UVRAG: variants seen among roughly 807,000 people sequenced by gnomAD.
The protein encoded by UVRAG is UV radiation resistance associated.
A neutral mutation model predicts 78.0 loss-of-function variants in UVRAG; 19 were observed. That is an observed-to-expected ratio of 0.24 (90% CI 0.17 to 0.36). The LOEUF is 0.36. UVRAG is among the 10% of genes least tolerant of loss of function. UVRAG has a pLI of 1.00. For synonymous variants in UVRAG, 323 were observed against 324.6 expected, an observed-to-expected ratio of 1.00 and a Z score of 0.05; for missense variants, 740 against 853.8, an observed-to-expected ratio of 0.87 and a Z score of 1.66.
intron 12 of UVRAG, among the ~76,000 whole-genome samples, chr11:76,039,155 A>G (rs1435441363): frequency 2.6e-5 from 4 of 152,210 alleles, no homozygotes; most frequent in Admixed American, 2.6e-4. Context: ...CCTTACTGTC[A>G]TTGTTAAATG....
At chr11:75,825,245 C>T (rs953575325) in intron 1 of UVRAG, among the ~76,000 whole-genome samples, 11 of 151,864 alleles carry the variant, frequency 7.2e-5, no homozygotes, top group East Asian at 5.8e-4. Context: ...AGTAGCCTCC[C>T]GAGTAGCTGG....
At chr11:76,114,401 G>A (rs1048226670) in intron 13 of UVRAG, among the ~76,000 whole-genome samples, 20 of 152,286 alleles carry the variant, frequency 1.3e-4, no homozygotes, top group Admixed American at 5.9e-4. Flanking sequence ...CTCAGACTTT[G>A]GGGTAGGTGG....
At chr11:75,888,941 T>C in intron 5 of UVRAG, 38 bp downstream of exon 5, 2 of 1,562,328 alleles carry the variant, frequency 1.3e-6, no homozygotes, top group Non-Finnish European at 1.8e-6. Context: ...TTTTGTTTAG[T>C]GCAGGTGTGC....
chr11:76,122,937 G>A (rs530450478), intron 14 of UVRAG, among the ~76,000 whole-genome samples: 1 of 152,190 alleles, frequency 6.6e-6, no homozygotes, highest in Non-Finnish European at 1.5e-5. Flanking sequence ...CCTTGTGAGA[G>A]TAGCTGGGCA....
chr11:76,122,869 G>A lies in UVRAG; in HGVS notation c.1397+6854G>A, dbSNP rs149531751. ...ACTCTCACCCATAGTTAGAAGTTACGAATAATAAAATCTCTTACTTGCAAA... is the reference window on the plus strand; with the variant it reads ...ACTCTCACCCATAGTTAGAAGTTACAAATAATAAAATCTCTTACTTGCAAA... On this transcript the variant is annotated intron_variant, in intron 14 of 14. Transcript: ENST00000356136. Among the ~76,000 whole-genome samples, 1,384 of 152,182 alleles carry A rather than the reference G, an allele frequency of 9.1e-3. 28 individuals are homozygous for A. The highest frequency in any genetic ancestry group is 0.032 in the African/African-American group (1,325 of 41,522).
intron 14 of UVRAG, chr11:76,137,498 G>C (rs780810402): frequency 2.2e-5 from 10 of 455,350 alleles, no homozygotes; most frequent in Admixed American, 4.7e-5. Context: ...AAATCTCATA[G>C]AACTAAAAAT....
At chr11:75,971,691 CT>C (rs370869099) in intron 7 of UVRAG, among the ~76,000 whole-genome samples, 55 of 145,214 alleles carry the variant, frequency 3.8e-4, no homozygotes, top group Non-Finnish European at 3.5e-4. Context: ...TGTTCATTTT[CT>C]TTTTTTTTTT....
chr11:76,130,170 A>G (rs1192823603), intron 14 of UVRAG, among the ~76,000 whole-genome samples: 2 of 152,114 alleles, frequency 1.3e-5, no homozygotes, highest in South Asian at 2.1e-4. Context: ...CCCATTCTTT[A>G]CCTGGTGAAG....
Position 76,142,936 on chromosome 11 carries a change from G to A in UVRAG, c.*1523G>A, listed in dbSNP as rs1029518952. 6.6e-6 allele frequency: 1 copy of A among 152,246 alleles called. No homozygotes were observed. Among genetic ancestry groups the A allele is most frequent in the East Asian group, 1.9e-4 (1 of 5,194 alleles). 9.4% of individuals were successfully genotyped at this position (152,246 alleles called of 1,614,324 possible). A position where few individuals can be genotyped will look rare whatever the true frequency, so the allele number is the denominator to read the frequency against. ...AAGTTTAATGTATAGCTACATTGTT[G>A]TTTTCCATGTAGAGAACTCACAGGA... On this transcript the variant is annotated 3_prime_UTR_variant, in exon 15 of 15. Transcript: ENST00000356136.
intron 11 of UVRAG, among the ~76,000 whole-genome samples, chr11:76,012,769 C>T (rs946139948): frequency 2.1e-5 from 3 of 142,958 alleles, no homozygotes; most frequent in African/African-American, 5.2e-5. Flanking sequence ...TTCCACTGAC[C>T]GAGACATTTA....
At chr11:75,952,493 GCTT>G (rs1948722312) in intron 6 of UVRAG, among the ~76,000 whole-genome samples, 1 of 151,042 alleles carries the variant, frequency 6.6e-6, no homozygotes, top group East Asian at 1.9e-4. Flanking sequence ...TTTATCAAAT[GCTT>G]CTTTTTTTGA....
At chr11:75,833,815 A>T (rs1426659290) in intron 1 of UVRAG, among the ~76,000 whole-genome samples, 2 of 152,252 alleles carry the variant, frequency 1.3e-5, no homozygotes, top group African/African-American at 4.8e-5. Context: ...GCATGTCCTT[A>T]AGGCACAGAT....
rs1156931133 is a variant in UVRAG, at chr11:75,883,401, G to GA, written c.432+3367dup. 2.9e-5 allele frequency among the ~76,000 whole-genome samples: 4 copies of GA among 139,512 alleles called. No homozygotes were observed. In the East Asian group the frequency reaches 8.4e-4, roughly 29 times the overall value. 91.5% of individuals were successfully genotyped at this position (139,512 alleles called of 152,430 possible). ...AAAAAAAGAAAAGAAAAAAAAAAAA[G>GA]AAAAAACATGTTTCTTAAAGCCAGA... On this transcript the variant is annotated intron_variant, in intron 4 of 14. Coordinates refer to ENST00000356136, the MANE Select transcript of UVRAG (RefSeq NM_003369.4).
At chr11:75,912,936 A>G (rs998497057) in intron 6 of UVRAG, among the ~76,000 whole-genome samples, 2 of 152,226 alleles carry the variant, frequency 1.3e-5, no homozygotes, top group African/African-American at 4.8e-5. Context: ...GATTTTGACT[A>G]AAGTAACCAT....
At position 75,877,390 on chromosome 11, in the gene UVRAG, T is replaced by C. The variant is rs865886276; in HGVS notation, c.271-2489T>C. On this transcript the variant is annotated intron_variant, in intron 3 of 14. Coordinates refer to ENST00000356136, the MANE Select transcript of UVRAG (RefSeq NM_003369.4). ...CACACCTCCCAGACGGGGTGGTGGC[T>C]GGGCAGAGGGGCTCCTCACTTCCCA... 3.6e-3 allele frequency among the ~76,000 whole-genome samples: 552 copies of C among 151,958 alleles called. 2 individuals are homozygous for C. Among genetic ancestry groups the C allele is most frequent in the African/African-American group, 0.012 (492 of 41,466 alleles).
intron 14 of UVRAG, among the ~76,000 whole-genome samples, chr11:76,124,589 G>GA (rs757609065): frequency 7.2e-5 from 11 of 152,234 alleles, no homozygotes; most frequent in Non-Finnish European, 1.3e-4. Context: ...AGAGCACTGA[G>GA]AAGTATCCTT....
intron 7 of UVRAG, among the ~76,000 whole-genome samples, chr11:75,977,917 G>A (rs377357220): frequency 6.6e-6 from 1 of 152,136 alleles, no homozygotes; most frequent in East Asian, 1.9e-4. Flanking sequence ...TCATTATGAT[G>A]TTAGCTGATT....
chr11:75,893,304 C>T (rs1467977871), intron 5 of UVRAG, among the ~76,000 whole-genome samples: 1 of 151,758 alleles, frequency 6.6e-6, no homozygotes, highest in Non-Finnish European at 1.5e-5. Context: ...AGACTTGGGC[C>T]TTCTGGCCAC....
intron 13 of UVRAG, among the ~76,000 whole-genome samples, chr11:76,070,445 T>C (rs1464277978): frequency 6.6e-6 from 1 of 152,168 alleles, no homozygotes; most frequent in African/African-American, 2.4e-5. Context: ...AGAGAGTAGA[T>C]TTCTACAGTT....
Sources: gnomAD v4.1 joint callset for allele counts (sites outside exome capture counted in the v4.1 genomes callset) on GRCh38, gnomAD v4.1.1 for gene constraint, MANE v1.5 for transcripts, NCBI Gene and HGNC (gene_info 2026-07-23, HGNC 2026-07-21) for gene names.